Variants in TBC1D22A observed in about 807,000 individuals in gnomAD.
TBC1D22A encodes putative GTPase activator.
Under a neutral mutation model 60.2 loss-of-function variants are expected in TBC1D22A, and 38 were observed. The ratio of observed to expected loss-of-function variants is 0.63; its 90% CI spans 0.49 to 0.83. The LOEUF (loss-of-function observed/expected upper bound fraction) is 0.83, where lower values mean the gene tolerates loss of function less well. TBC1D22A is among the 40% of genes least tolerant of loss of function. The pLI, the probability that TBC1D22A is intolerant of heterozygous loss-of-function variation, is 0.00. For synonymous variants in TBC1D22A, 302 were observed against 281.7 expected (o/e 1.07, Z -0.72); for missense variants, 628 against 701.0 (o/e 0.90, Z 1.18).
intron 4 of TBC1D22A, among the ~76,000 whole-genome samples, chr22:46,849,142 T>C (rs544524577): frequency 5.9e-5 from 9 of 152,302 alleles, no homozygotes; most frequent in African/African-American, 2.2e-4. Flanking sequence ...GTGGCCATTA[T>C]TATTCTGATG....
intron 7 of TBC1D22A, among the ~76,000 whole-genome samples, chr22:46,904,150 C>CTAT (rs2069262954): frequency 4.0e-5 from 3 of 74,948 alleles, no homozygotes; most frequent in African/African-American, 1.4e-4. Flanking sequence ...TATCTACCTA[C>CTAT]CTACCTACCT....
intron 4 of TBC1D22A, among the ~76,000 whole-genome samples, chr22:46,818,859 A>G (rs1213356256): frequency 6.6e-6 from 1 of 150,736 alleles, no homozygotes; most frequent in African/African-American, 2.4e-5. Context: ...GATTCTTCCC[A>G]TTGATGAGGA....
chr22:46,962,626 T>C (rs4434), intron 8 of TBC1D22A, among the ~76,000 whole-genome samples: 29,256 of 152,036 alleles, frequency 0.19, 2,984 homozygotes, highest in East Asian at 0.27. Context: ...GGGGTGCGGC[T>C]GTGTAGACGA....
At chr22:47,004,383 C>T (rs577656594) in intron 10 of TBC1D22A, among the ~76,000 whole-genome samples, 2 of 151,230 alleles carry the variant, frequency 1.3e-5, no homozygotes, top group East Asian at 3.9e-4. Context: ...TACACACACC[C>T]CTGCACACAA....
intron 11 of TBC1D22A, among the ~76,000 whole-genome samples, chr22:47,055,369 C>T (rs901641426): frequency 2.0e-5 from 3 of 152,220 alleles, no homozygotes; most frequent in Non-Finnish European, 2.9e-5. Flanking sequence ...AAACTGATGC[C>T]GGAGTGGTCA....
At chr22:47,051,373 A>G (rs1279366216) in intron 11 of TBC1D22A, among the ~76,000 whole-genome samples, 1 of 152,230 alleles carries the variant, frequency 6.6e-6, no homozygotes, top group Non-Finnish European at 1.5e-5. Flanking sequence ...TCTCAAATGC[A>G]CACATTTGGA....
At chr22:47,057,006 A>T (rs2063415235) in intron 11 of TBC1D22A, among the ~76,000 whole-genome samples, 1 of 152,206 alleles carries the variant, frequency 6.6e-6, no homozygotes, top group African/African-American at 2.4e-5. Flanking sequence ...GCCTAGGCCC[A>T]GCCACTCAGG....
intron 8 of TBC1D22A, among the ~76,000 whole-genome samples, chr22:46,944,480 T>C (rs560484003): frequency 1.3e-5 from 2 of 152,110 alleles, no homozygotes; most frequent in Admixed American, 1.3e-4. Context: ...CTCACTGCAA[T>C]CTCCGCCTCC....
intron 4 of TBC1D22A, among the ~76,000 whole-genome samples, chr22:46,862,690 C>G (rs1360348414): frequency 6.6e-6 from 1 of 152,066 alleles, no homozygotes; most frequent in Non-Finnish European, 1.5e-5. Flanking sequence ...CATCCAAGGC[C>G]GCAGCCCAGA....
At chr22:47,106,394 AAGC>A (rs2065633321) in intron 11 of TBC1D22A, among the ~76,000 whole-genome samples, 1 of 152,230 alleles carries the variant, frequency 6.6e-6, no homozygotes, top group Admixed American at 6.5e-5. Context: ...AGTTATTCAC[AAGC>A]AGCCAGAGAG....
chr22:46,789,192 C>G (rs951073572), intron 1 of TBC1D22A: 11 of 163,402 alleles, frequency 6.7e-5, no homozygotes, highest in Admixed American at 4.2e-4. Context: ...GTGGCGCAAT[C>G]TCGGCTCACT....
At chr22:47,078,698 C>G (rs1468509607) in intron 11 of TBC1D22A, among the ~76,000 whole-genome samples, 1 of 152,166 alleles carries the variant, frequency 6.6e-6, no homozygotes, top group Non-Finnish European at 1.5e-5. Context: ...TTTTGCTGAT[C>G]ATCCAGTGTC....
At chr22:47,077,148 C>T (rs1189421344) in intron 11 of TBC1D22A, among the ~76,000 whole-genome samples, 1 of 152,244 alleles carries the variant, frequency 6.6e-6, no homozygotes, top group Non-Finnish European at 1.5e-5. Context: ...TGTGGATTCT[C>T]TTATTGAAGA....
intron 10 of TBC1D22A, among the ~76,000 whole-genome samples, chr22:47,023,751 G>T (rs1328466674): frequency 6.6e-6 from 1 of 152,198 alleles, no homozygotes; most frequent in Non-Finnish European, 1.5e-5. Flanking sequence ...GTATCTTTCA[G>T]AGATGGAGGT....
intron 10 of TBC1D22A, among the ~76,000 whole-genome samples, chr22:47,030,329 AAACAGTGTGTG>A (rs2062426461): frequency 6.6e-6 from 1 of 152,344 alleles, no homozygotes; most frequent in Middle Eastern, 3.4e-3. Flanking sequence ...GGTCCTGCAT[AAACAGTGTGTG>A]TTTTATGCCA....
intron 4 of TBC1D22A, among the ~76,000 whole-genome samples, chr22:46,810,174 A>G (rs1277786939): frequency 1.3e-5 from 2 of 152,220 alleles, no homozygotes; most frequent in East Asian, 3.8e-4. Flanking sequence ...AACTGGTAAC[A>G]TTGATTTCTA....
chr22:46,964,355 C>T (rs995892612), intron 8 of TBC1D22A, among the ~76,000 whole-genome samples: 3 of 152,208 alleles, frequency 2.0e-5, no homozygotes, highest in Admixed American at 6.5e-5. Flanking sequence ...GGCGCTCCCC[C>T]ACCTACAGAT....
At chr22:46,807,879 A>G (rs2085216488) in intron 4 of TBC1D22A, among the ~76,000 whole-genome samples, 2 of 152,144 alleles carry the variant, frequency 1.3e-5, no homozygotes, top group Admixed American at 1.3e-4. Flanking sequence ...AGGTGGGAGG[A>G]TTGCTCGAGC....
intron 2 of TBC1D22A, 93 bp from the exon 3 acceptor site, chr22:46,793,408 C>T (rs2084508916): frequency 8.1e-7 from 1 of 1,239,988 alleles, no homozygotes; most frequent in East Asian, 2.4e-5. Context: ...CTGAACACTT[C>T]TATGCCTGTC....
Sources: gnomAD v4.1 joint callset for allele counts (sites outside exome capture counted in the v4.1 genomes callset) on GRCh38, gnomAD v4.1.1 for gene constraint, MANE v1.5 for transcripts, NCBI Gene and HGNC (gene_info 2026-07-23, HGNC 2026-07-21) for gene names.